PRICKLE2: variants seen among roughly 807,000 people sequenced by gnomAD.
The protein encoded by PRICKLE2 is prickle-like protein 2.
Under a neutral mutation model 81.4 loss-of-function variants are expected in PRICKLE2, and 21 were observed. The ratio of observed to expected loss-of-function variants is 0.26; its 90% CI spans 0.18 to 0.37. The LOEUF (loss-of-function observed/expected upper bound fraction) is 0.37, where lower values mean the gene tolerates loss of function less well. Among genes scored for constraint, PRICKLE2 ranks in the 10% least tolerant of loss-of-function variants. PRICKLE2 has a pLI of 1.00. For missense variants in PRICKLE2, 940 were observed against 1,109.0 expected (o/e 0.85, Z 2.16); for synonymous variants, 456 against 421.5 (o/e 1.08, Z -1.00).
At chr3:64,120,821 G>C (rs994508469) in intron 7 of PRICKLE2, among the ~76,000 whole-genome samples, 1 of 152,144 alleles carries the variant, frequency 6.6e-6, no homozygotes, top group African/African-American at 2.4e-5. Flanking sequence ...GGCAGCTAGG[G>C]AACCTCAGGA....
At chr3:64,119,012 C>T (rs2076984337) in intron 7 of PRICKLE2, among the ~76,000 whole-genome samples, 1 of 152,168 alleles carries the variant, frequency 6.6e-6, no homozygotes, top group African/African-American at 2.4e-5. Context: ...AAATGTGGTA[C>T]ATATACACCA....
chr3:64,159,857 C>G, intron 4 of PRICKLE2, 83 bp downstream of exon 4: 6 of 1,556,734 alleles, frequency 3.9e-6, no homozygotes, highest in Non-Finnish European at 5.3e-6. Context: ...ATAGTAGGCA[C>G]TCAGTAAAAC....
chr3:64,250,445 G>A (rs1406150350), intron 2 of PRICKLE2, among the ~76,000 whole-genome samples: 4 of 152,176 alleles, frequency 2.6e-5, no homozygotes, highest in African/African-American at 9.7e-5. Flanking sequence ...TGTTGCAGAG[G>A]CCAGGTTTAC....
At chr3:64,241,679 C>A (rs367995071) in intron 2 of PRICKLE2, among the ~76,000 whole-genome samples, 1 of 152,254 alleles carries the variant, frequency 6.6e-6, no homozygotes, top group African/African-American at 2.4e-5. Context: ...TGAGCAAGAC[C>A]TTGACCATCT....
intron 2 of PRICKLE2, among the ~76,000 whole-genome samples, chr3:64,185,943 C>T (rs543497271): frequency 4.5e-4 from 69 of 152,162 alleles, no homozygotes; most frequent in Admixed American, 9.2e-4. Context: ...CTCTCATTTC[C>T]CCATCCCCAA....
chr3:64,143,558 T>A (rs1575585530), intron 7 of PRICKLE2, among the ~76,000 whole-genome samples: 2 of 152,190 alleles, frequency 1.3e-5, no homozygotes, highest in South Asian at 4.1e-4. Flanking sequence ...GATTTCCTCA[T>A]GAGCCACAAC....
chr3:64,151,902 A>G (rs569925240), intron 6 of PRICKLE2, among the ~76,000 whole-genome samples: 101 of 152,262 alleles, frequency 6.6e-4, no homozygotes, highest in African/African-American at 2.2e-3. Context: ...AGGGGATGGG[A>G]AATTTGCCAT....
chr3:64,148,969 A>G (rs755296722), intron 6 of PRICKLE2, among the ~76,000 whole-genome samples: 9 of 152,198 alleles, frequency 5.9e-5, no homozygotes, highest in Non-Finnish European at 1.3e-4. Context: ...TTAAGGAAAA[A>G]TCTGCTTTCG....
chr3:64,253,618 G>A (rs1044443069), intron 2 of PRICKLE2, among the ~76,000 whole-genome samples: 2 of 152,136 alleles, frequency 1.3e-5, no homozygotes, highest in African/African-American at 2.4e-5. Flanking sequence ...GAATACCTTC[G>A]ACATGCCTTA....
At chr3:64,128,391 A>G (rs1251421269) in intron 7 of PRICKLE2, among the ~76,000 whole-genome samples, 1 of 152,210 alleles carries the variant, frequency 6.6e-6, no homozygotes, top group Non-Finnish European at 1.5e-5. Flanking sequence ...GGGGAGTGGA[A>G]TGGCTAATGC....
chr3:64,107,718 G>A (rs966677286), intron 7 of PRICKLE2, among the ~76,000 whole-genome samples: 1 of 152,144 alleles, frequency 6.6e-6, no homozygotes, highest in Admixed American at 6.5e-5. Flanking sequence ...ATAGTGGTGT[G>A]CACCTATAGT....
chr3:64,217,651 A>T (rs1286886437), intron 1 of PRICKLE2, among the ~76,000 whole-genome samples: 1 of 152,048 alleles, frequency 6.6e-6, no homozygotes, highest in African/African-American at 2.4e-5. Context: ...ATGTAGTGTA[A>T]ATCTCCTGGG....
At chr3:64,171,578 C>A (rs888347428) in intron 2 of PRICKLE2, among the ~76,000 whole-genome samples, 3 of 152,300 alleles carry the variant, frequency 2.0e-5, no homozygotes, top group South Asian at 2.1e-4. Flanking sequence ...TTGCTGTATA[C>A]CCCCAGAAGA....
chr3:64,225,568 T>A, upstream of PRICKLE2: 1 of 486,568 alleles, frequency 2.1e-6, no homozygotes, highest in Non-Finnish European at 2.7e-6. Flanking sequence ...TATTTACATG[T>A]AAATTAGCCT....
intron 2 of PRICKLE2, among the ~76,000 whole-genome samples, chr3:64,191,504 G>A (rs1420720686): frequency 6.6e-6 from 1 of 152,178 alleles, no homozygotes; most frequent in Non-Finnish European, 1.5e-5. Flanking sequence ...CTACTCATTA[G>A]CTGTGTGATC....
intron 2 of PRICKLE2, among the ~76,000 whole-genome samples, chr3:64,190,055 T>C (rs1053702458): frequency 5.4e-4 from 83 of 152,372 alleles, no homozygotes; most frequent in African/African-American, 1.9e-3. Flanking sequence ...AAATTCTTTG[T>C]GCACAAAGTT....
rs543555164 is a variant in PRICKLE2 at position 64,207,636 on chromosome 3, C to T, written c.-40-8669G>A. 4.6e-5 allele frequency among the ~76,000 whole-genome samples: 7 copies of T among 152,226 alleles called. No homozygotes were observed. In the South Asian group the frequency reaches 1.5e-3, roughly 32 times the overall value. On this transcript the variant is annotated intron_variant, in intron 1 of 7. Transcript: ENST00000638394. ...GTGCCCTGCAGCAGGATCAACAATC[C>T]ACTTATGTAATGTAAAAGATACCTC...
intron 2 of PRICKLE2, among the ~76,000 whole-genome samples, chr3:64,249,137 C>T (rs537633854): frequency 6.6e-6 from 1 of 152,278 alleles, no homozygotes; most frequent in South Asian, 2.1e-4. Context: ...GCTCTTGGTT[C>T]TGCAGGCTTA....
chr3:64,250,918 G>A (rs1380187464), intron 2 of PRICKLE2, among the ~76,000 whole-genome samples: 1 of 152,072 alleles, frequency 6.6e-6, no homozygotes, highest in African/African-American at 2.4e-5. Context: ...AACTCAATGT[G>A]GCCTTTCCTG....
Sources: allele counts gnomAD v4.1 joint callset (sites outside exome capture counted in the v4.1 genomes callset), GRCh38; gene constraint gnomAD v4.1.1; transcripts MANE v1.5; gene names NCBI Gene and HGNC (gene_info 2026-07-23, HGNC 2026-07-21).